Variants in KIAA1671 observed in about 807,000 individuals in gnomAD.
The protein encoded by KIAA1671 is KIAA1671.
In KIAA1671, 52 loss-of-function variants were observed where a neutral mutation model predicts 131.2. The observed-to-expected ratio is 0.40, with a 90% confidence interval of 0.32 to 0.50. The LOEUF is 0.50. KIAA1671 is among the 20% of genes least tolerant of loss of function. The probability of loss-of-function intolerance (pLI) is 0.73; values close to 1 mark genes in which losing one functional copy is unlikely to be tolerated. For synonymous variants in KIAA1671, 1,003 were observed against 961.6 expected (o/e 1.04, Z -0.80); for missense variants, 2,360 against 2,364.2 (o/e 1.00, Z 0.04).
chr22:25,005,855 T>C (rs543141083), intron 1 of KIAA1671, among the ~76,000 whole-genome samples: 2 of 152,300 alleles, frequency 1.3e-5, no homozygotes, highest in South Asian at 4.2e-4. Flanking sequence ...TGCCTTTTCC[T>C]ACCCAGGTGA....
chr22:25,129,254 C>T (rs1040831486), intron 6 of KIAA1671, among the ~76,000 whole-genome samples: 2 of 152,194 alleles, frequency 1.3e-5, no homozygotes, highest in African/African-American at 4.8e-5. Flanking sequence ...TATGTTGGCT[C>T]ACGCCTGTAA....
rs905277328 is a variant in KIAA1671 at position 25,195,211 on chromosome 22, C to G, written c.*2810C>G. ...CCTCCTCACCTCCACCACCCCTTTG[C>G]ACATCAGCATTTTAACAGCTGATCT... On this transcript the variant is annotated 3_prime_UTR_variant, in exon 13 of 13. Coordinates refer to ENST00000358431, the MANE Select transcript of KIAA1671 (RefSeq NM_001145206.2). 1.3e-4 allele frequency: 20 copies of G among 152,182 alleles called. No homozygotes were observed. Among genetic ancestry groups the G allele is most frequent in the African/African-American group, 4.8e-4 (20 of 41,448 alleles). The allele number at this position is 152,182 out of a possible 1,614,324, so 9.4% of individuals were successfully genotyped here.
At chr22:25,117,314 A>T (rs967187390) in intron 6 of KIAA1671, among the ~76,000 whole-genome samples, 4 of 152,098 alleles carry the variant, frequency 2.6e-5, no homozygotes, top group Admixed American at 6.5e-5. Context: ...TGTGGGGTAT[A>T]GCCCCATACT....
chr22:24,954,035 C>T (rs989620619), intron 1 of KIAA1671, among the ~76,000 whole-genome samples: 41 of 152,198 alleles, frequency 2.7e-4, no homozygotes, highest in African/African-American at 9.9e-4. Flanking sequence ...TCAGTGCCTC[C>T]CTCAGTCTAT....
intron 6 of KIAA1671, among the ~76,000 whole-genome samples, chr22:25,084,152 C>G (rs1409788206): frequency 2.0e-5 from 3 of 152,176 alleles, no homozygotes; most frequent in Non-Finnish European, 4.4e-5. Context: ...TGCAGAGCCC[C>G]CTCTGTGTCC....
intron 6 of KIAA1671, among the ~76,000 whole-genome samples, chr22:25,067,446 G>A (rs1928540043): frequency 1.3e-5 from 2 of 151,750 alleles, no homozygotes; most frequent in Admixed American, 6.6e-5. Flanking sequence ...CCTGCCTGTC[G>A]CTCTCCCATC....
chr22:25,159,315 C>T (rs1013132376), intron 6 of KIAA1671, among the ~76,000 whole-genome samples: 23 of 152,290 alleles, frequency 1.5e-4, no homozygotes, highest in African/African-American at 4.1e-4. Flanking sequence ...CTGCACACCA[C>T]GGTGGATGAC....
chr22:25,115,722 A>G (rs777460257), intron 6 of KIAA1671, among the ~76,000 whole-genome samples: 4 of 152,182 alleles, frequency 2.6e-5, no homozygotes, highest in Non-Finnish European at 4.4e-5. Flanking sequence ...CATCAGGTGC[A>G]TATAACTTGC....
intron 6 of KIAA1671, among the ~76,000 whole-genome samples, chr22:25,093,752 C>CTCTCTCTT (rs1930191277): frequency 1.8e-5 from 1 of 54,354 alleles, no homozygotes; most frequent in South Asian, 5.8e-4. Context: ...CTCTCTCTCT[C>CTCTCTCTT]TCTCTCTCTC....
rs542433662 is a variant in KIAA1671 at position 24,954,051 on chromosome 22, C to T, written c.-208+1279C>T. ...CAGTGCCTCCCTCAGTCTATGGCCTCTCCTTTCCCGTGCCCCATCCCCTGT... is the reference window on the plus strand; with the variant it reads ...CAGTGCCTCCCTCAGTCTATGGCCTTTCCTTTCCCGTGCCCCATCCCCTGT... On this transcript the variant is annotated intron_variant, in intron 1 of 12. Coordinates refer to ENST00000358431, the MANE Select transcript of KIAA1671 (RefSeq NM_001145206.2). Among the ~76,000 whole-genome samples the T allele has an allele frequency of 1.3e-4, 20 of 152,238 alleles. No individual in the cohort carries two copies. In the South Asian group the frequency reaches 4.2e-3, roughly 32 times the overall value.
chr22:25,131,390 C>A (rs1336243175), intron 6 of KIAA1671, among the ~76,000 whole-genome samples: 1 of 152,230 alleles, frequency 6.6e-6, no homozygotes, highest in Non-Finnish European at 1.5e-5. Context: ...GTAGTGCCCA[C>A]ACCCATGGGC....
At chr22:25,159,483 A>G (rs947966115) in intron 6 of KIAA1671, among the ~76,000 whole-genome samples, 2 of 152,192 alleles carry the variant, frequency 1.3e-5, no homozygotes, top group African/African-American at 4.8e-5. Flanking sequence ...GCTGAAAGAC[A>G]GAACTGTCAG....
chr22:24,980,424 A>G (rs1923168661), intron 1 of KIAA1671, among the ~76,000 whole-genome samples: 1 of 151,740 alleles, frequency 6.6e-6, no homozygotes. Context: ...GGCACCCGCC[A>G]CCACACCAGG....
Position 25,040,570 on chromosome 22 carries a change from A to T in KIAA1671, c.3440A>T (p.Lys1147Met). Residue 1147 changes from lysine (K) to methionine (M), a missense_variant, in exon 5 of 13, where the codon AAG (lysine) becomes ATG (methionine). This residue lies in a region of KIAA1671 where 1,161 missense variants were observed against 1,204.7 expected (regional missense o/e 0.96). Transcript: ENST00000358431. ...EDGPRPQSNW[K>M]ESANKMSPSG... ...GGCCCTCGTCCTCAAAGCAATTGGA[A>T]GGAAAGTGCGAACAAGATGTCCCCC... 1 of 1,551,808 alleles carries T rather than the reference A, an allele frequency of 6.4e-7. No homozygotes were observed. Among genetic ancestry groups the T allele is most frequent in the East Asian group, 2.4e-5 (1 of 40,922 alleles).
At chr22:25,035,779 A>C (rs937713906) in intron 4 of KIAA1671, among the ~76,000 whole-genome samples, 1 of 152,280 alleles carries the variant, frequency 6.6e-6, no homozygotes, top group Non-Finnish European at 1.5e-5. Flanking sequence ...TTTTCTCTGT[A>C]ATTTTGTGTA....
chr22:25,041,777 C>G (rs1926937858), intron 5 of KIAA1671, among the ~76,000 whole-genome samples: 1 of 152,164 alleles, frequency 6.6e-6, no homozygotes, highest in Non-Finnish European at 1.5e-5. Context: ...AAGAGTCTTG[C>G]TTAGTTGCCC....
At chr22:25,178,928 G>A (rs1934150927) in intron 9 of KIAA1671, among the ~76,000 whole-genome samples, 1 of 152,246 alleles carries the variant, frequency 6.6e-6, no homozygotes, top group South Asian at 2.1e-4. Context: ...GGCCAGGGGC[G>A]CCGGCTCAGA....
intron 6 of KIAA1671, among the ~76,000 whole-genome samples, chr22:25,127,895 GA>G (rs1932258758): frequency 6.6e-6 from 1 of 152,222 alleles, no homozygotes; most frequent in African/African-American, 2.4e-5. Context: ...TTTCTGAGCT[GA>G]ATTGTGGTGA....
intron 5 of KIAA1671, among the ~76,000 whole-genome samples, chr22:25,047,151 CT>C (rs140590311): frequency 0.35 from 42,737 of 121,362 alleles, 6,418 homozygotes; most frequent in South Asian, 0.47. Context: ...TTTTTCTTTT[CT>C]TTTTTTTTTT....
Sources: allele counts gnomAD v4.1 joint callset (sites outside exome capture counted in the v4.1 genomes callset), GRCh38; gene constraint gnomAD v4.1.1; regional missense constraint gnomAD v4.1.1; transcripts MANE v1.5; gene names NCBI Gene and HGNC (gene_info 2026-07-23, HGNC 2026-07-21).